The following AUTS2 variants were observed in gnomAD, a reference collection of about 807,000 sequenced individuals.
AUTS2 encodes the protein activator of transcription and developmental regulator AUTS2, also known as autism susceptibility gene 2 protein.
AUTS2 carries 17 observed loss-of-function variants against 112.4 expected under a neutral mutation model. The observed-to-expected ratio is 0.15, with a 90% CI of 0.10 to 0.23. The LOEUF (loss-of-function observed/expected upper bound fraction) is 0.23. AUTS2 is among the 10% of genes least tolerant of loss of function. The pLI is 1.00. For missense variants in AUTS2, 1,510 were observed against 1,701.6 expected (o/e 0.89, Z 1.98); for synonymous variants, 751 against 702.7 (o/e 1.07, Z -1.09).
At chr7:69,714,276 T>C (rs1311885094) in intron 1 of AUTS2, among the ~76,000 whole-genome samples, 1 of 149,218 alleles carries the variant, frequency 6.7e-6, no homozygotes. Flanking sequence ...TGTGTGTGTG[T>C]GTGTGTGTGT....
intron 2 of AUTS2, among the ~76,000 whole-genome samples, chr7:70,024,415 A>G (rs1292683869): frequency 6.6e-6 from 1 of 152,202 alleles, no homozygotes; most frequent in Non-Finnish European, 1.5e-5. Context: ...ATGTTGGTTA[A>G]CTTCATAGGG....
chr7:70,676,153 G>A (rs1407697869), intron 5 of AUTS2, among the ~76,000 whole-genome samples: 1 of 152,174 alleles, frequency 6.6e-6, no homozygotes, highest in African/African-American at 2.4e-5. Context: ...AGAAGAATAA[G>A]ATATAGGCCA....
intron 2 of AUTS2, among the ~76,000 whole-genome samples, chr7:69,960,699 A>G (rs554498814): frequency 7.9e-5 from 12 of 152,270 alleles, no homozygotes; most frequent in African/African-American, 2.9e-4. Context: ...GACAGGAAAG[A>G]TCACCATTTC....
intron 6 of AUTS2, among the ~76,000 whole-genome samples, chr7:70,760,548 G>A (rs138800942): frequency 2.0e-5 from 3 of 152,222 alleles, no homozygotes; most frequent in African/African-American, 4.8e-5. Flanking sequence ...ATAGCTTGCT[G>A]TGGGAAAATC....
chr7:69,832,754 C>T (rs986404351), intron 1 of AUTS2, among the ~76,000 whole-genome samples: 2 of 152,114 alleles, frequency 1.3e-5, no homozygotes, highest in African/African-American at 4.8e-5. Flanking sequence ...GATATTTTTA[C>T]CTGTTGCTTC....
intron 5 of AUTS2, among the ~76,000 whole-genome samples, chr7:70,693,296 C>T (rs1197324838): frequency 6.6e-6 from 1 of 152,192 alleles, no homozygotes; most frequent in Non-Finnish European, 1.5e-5. Flanking sequence ...GATACAGACA[C>T]GATACATGTT....
In AUTS2 at chr7:69,969,642, G is replaced by A. The variant is rs554513807; in HGVS notation, c.522+70144G>A. 9.2e-5 allele frequency among the ~76,000 whole-genome samples: 14 copies of A among 152,226 alleles called. No individual in the cohort carries two copies. The South Asian group carries it at 1.0e-3, about 11-fold the overall frequency. ...TAATAAGTCTTAGTGTAAACACAGGGACAGCATTGATAACAAAACAAACTA... is the reference window on the plus strand; with the variant it reads ...TAATAAGTCTTAGTGTAAACACAGGAACAGCATTGATAACAAAACAAACTA... On this transcript the variant is annotated intron_variant, in intron 2 of 18. Coordinates refer to ENST00000342771, the MANE Select transcript of AUTS2 (RefSeq NM_015570.4).
intron 1 of AUTS2, among the ~76,000 whole-genome samples, chr7:69,606,524 A>G (rs1792726047): frequency 6.6e-6 from 1 of 152,204 alleles, no homozygotes; most frequent in African/African-American, 2.4e-5. Context: ...TAGTCATAAT[A>G]TACTAAATGC....
At chr7:69,747,202 A>G (rs1787533340) in intron 1 of AUTS2, among the ~76,000 whole-genome samples, 2 of 152,346 alleles carry the variant, frequency 1.3e-5, no homozygotes, top group East Asian at 1.9e-4. Context: ...GATGCCAGCC[A>G]GTGCTGCTGG....
chr7:69,732,924 G>C (rs780558578), intron 1 of AUTS2, among the ~76,000 whole-genome samples: 2 of 152,172 alleles, frequency 1.3e-5, no homozygotes, highest in Non-Finnish European at 2.9e-5. Flanking sequence ...AGAGTGCCTA[G>C]TGGACAGAAA....
At chr7:70,327,442 T>A (rs1475303445) in intron 4 of AUTS2, among the ~76,000 whole-genome samples, 1 of 152,196 alleles carries the variant, frequency 6.6e-6, no homozygotes, top group East Asian at 1.9e-4. Context: ...AAATGAGGAA[T>A]GTTCTTCAGA....
intron 5 of AUTS2, among the ~76,000 whole-genome samples, chr7:70,603,854 A>G (rs964920769): frequency 6.6e-6 from 1 of 152,202 alleles, no homozygotes; most frequent in East Asian, 1.9e-4. Context: ...TGAAGCAGAG[A>G]TAATAATAAC....
At chr7:69,960,873 C>A (rs1313670339) in intron 2 of AUTS2, among the ~76,000 whole-genome samples, 1 of 152,096 alleles carries the variant, frequency 6.6e-6, no homozygotes, top group Non-Finnish European at 1.5e-5. Context: ...AGGTGCTCAT[C>A]AACTTCTGTG....
intron 1 of AUTS2, among the ~76,000 whole-genome samples, chr7:69,856,849 C>T (rs1235951456): frequency 6.6e-6 from 1 of 152,156 alleles, no homozygotes; most frequent in Non-Finnish European, 1.5e-5. Context: ...CAGGTTCCCT[C>T]CATGCTTGTT....
At chr7:70,672,260 T>G (rs1263384155) in intron 5 of AUTS2, among the ~76,000 whole-genome samples, 4 of 151,726 alleles carry the variant, frequency 2.6e-5, no homozygotes, top group African/African-American at 9.7e-5. Flanking sequence ...TGAGAGAGAG[T>G]CCCCCACTTC....
intron 2 of AUTS2, among the ~76,000 whole-genome samples, chr7:70,110,859 C>CTTT (rs71077618): frequency 0.011 from 901 of 82,442 alleles, 5 homozygotes; most frequent in East Asian, 0.017. Context: ...TTCTTTCTTT[C>CTTT]TTTTTTTTTT....
At chr7:69,892,073 G>A (rs1257957695) in intron 1 of AUTS2, among the ~76,000 whole-genome samples, 1 of 151,530 alleles carries the variant, frequency 6.6e-6, no homozygotes, top group Non-Finnish European at 1.5e-5. Context: ...TTACAGGCAT[G>A]AGCTGCCACA....
chr7:69,698,812 A>T (rs984659660), intron 1 of AUTS2, among the ~76,000 whole-genome samples: 6 of 152,320 alleles, frequency 3.9e-5, no homozygotes, highest in Middle Eastern at 3.4e-3. Context: ...TTTAAGTGCT[A>T]AAACTGCTGA....
chr7:70,340,945 T>G (rs2129620688), intron 4 of AUTS2, among the ~76,000 whole-genome samples: 1 of 152,344 alleles, frequency 6.6e-6, no homozygotes, highest in East Asian at 1.9e-4. Flanking sequence ...CATGTGGTCT[T>G]AATATGTAAA....
Sources: allele counts gnomAD v4.1 joint callset (sites outside exome capture counted in the v4.1 genomes callset), GRCh38; gene constraint gnomAD v4.1.1; transcripts MANE v1.5; gene names NCBI Gene and HGNC (gene_info 2026-07-23, HGNC 2026-07-21).